The following MSH4 variants were observed in gnomAD, a reference collection of about 807,000 sequenced individuals.
MSH4 encodes the protein mutS homolog 4.
In MSH4, 106 loss-of-function variants were observed where a neutral mutation model predicts 113.7. That is an observed-to-expected ratio of 0.93 (90% CI 0.80 to 1.10). MSH4 has a LOEUF of 1.10. MSH4 is among the 50% of genes least tolerant of loss of function. The probability of loss-of-function intolerance (pLI) is 0.00; values close to 1 mark genes in which losing one functional copy is unlikely to be tolerated. For missense variants in MSH4, 1,061 were observed against 1,093.7 expected (o/e 0.97, Z 0.42); for synonymous variants, 368 against 380.2 (o/e 0.97, Z 0.37).
chr1:75,798,002 CT>C (rs886606465), intron 1 of MSH4, among the ~76,000 whole-genome samples: 10 of 152,288 alleles, frequency 6.6e-5, no homozygotes, highest in South Asian at 2.1e-4. Context: ...TTGTTAGTCT[CT>C]ATTCATGACA....
intron 18 of MSH4, 88 bp from the exon 19 acceptor site, chr1:75,899,530 G>T: frequency 1.5e-6 from 1 of 659,436 alleles, no homozygotes; most frequent in South Asian, 2.9e-5. Context: ...GTTTAAATCT[G>T]TGACTAAAAG....
In MSH4 at chr1:75,870,543, A is replaced by G. The variant is rs550691092; in HGVS notation, c.1305+2955A>G. ...GGTGGAGGTAATTGAATCATAGGGC[A>G]GTTTCCCCCATGTTCTCCTGGTAGT... On this transcript the variant is annotated intron_variant, in intron 9 of 19. Coordinates refer to ENST00000263187, the MANE Select transcript of MSH4 (RefSeq NM_002440.4). Among the ~76,000 whole-genome samples the G allele has an allele frequency of 5.3e-5, 8 of 152,258 alleles. No homozygotes were observed. The South Asian group carries it at 1.7e-3, about 32-fold the overall frequency.
chr1:75,844,090 C>A lies in MSH4; in HGVS notation c.1163-4119C>A, dbSNP rs532153157. 3.3e-5 allele frequency among the ~76,000 whole-genome samples: 5 copies of A among 151,980 alleles called. No individual in the cohort carries two copies. The South Asian group carries it at 1.0e-3, about 32-fold the overall frequency. On this transcript the variant is annotated intron_variant, in intron 7 of 19. Transcript: ENST00000263187. ...CCTCCCAAAGTGCTGGGATTACAGG[C>A]GTAAGCCACCACGCCCGGCTCTTAT...
chr1:75,855,895 A>G (rs1295370030), intron 8 of MSH4, among the ~76,000 whole-genome samples: 1 of 152,228 alleles, frequency 6.6e-6, no homozygotes, highest in African/African-American at 2.4e-5. Flanking sequence ...ATTTTACTAT[A>G]GGAAAGAATT....
At chr1:75,861,671 G>A (rs1311024946) in intron 8 of MSH4, among the ~76,000 whole-genome samples, 2 of 152,186 alleles carry the variant, frequency 1.3e-5, no homozygotes, top group African/African-American at 2.4e-5. Flanking sequence ...CCTGTATGCG[G>A]TGTCTGTTGG....
chr1:75,845,779 C>T (rs756261570), intron 7 of MSH4, among the ~76,000 whole-genome samples: 1 of 152,048 alleles, frequency 6.6e-6, no homozygotes, highest in Non-Finnish European at 1.5e-5. Context: ...AGTGGGGACT[C>T]TGTGAATGAT....
rs554247509 is a variant in MSH4, at chr1:75,848,701, T to C, written c.1230+425T>C. ...CTGCAGTGAGCTGTGTTCGCATCACTGCACTCCAGCCTGGGTAACATAGTG... is the reference window on the plus strand; with the variant it reads ...CTGCAGTGAGCTGTGTTCGCATCACCGCACTCCAGCCTGGGTAACATAGTG... On this transcript the variant is annotated intron_variant, in intron 8 of 19. Transcript: ENST00000263187. 2.2e-4 allele frequency among the ~76,000 whole-genome samples: 34 copies of C among 152,198 alleles called. No individual in the cohort carries two copies. In the South Asian group the frequency reaches 6.6e-3, roughly 30 times the overall value.
chr1:75,844,427 A>G (rs1310871646), intron 7 of MSH4, among the ~76,000 whole-genome samples: 5 of 152,146 alleles, frequency 3.3e-5, no homozygotes, highest in Admixed American at 2.6e-4. Context: ...CCCTGGCTCA[A>G]GCCATCCTCC....
In MSH4 at chr1:75,797,117, G is replaced by C. The variant is rs753988970; in HGVS notation, c.132G>C (p.Ser44=). ...AGGAGACTCCACAGAGCCGCCCTTC[G>C]GTCCAGGTGGTCTCTGCATCCACCT... The part of the protein sequence containing the change: ...GLQETPQSRP[S]VQVVSASTCP... Residue 44 remains serine (S), a synonymous_variant, in exon 1 of 20, where the codon TCG becomes TCC. Transcript: ENST00000263187. 6.2e-7 allele frequency: 1 copy of C among 1,613,896 alleles called. No homozygotes were observed. Among genetic ancestry groups the C allele is most frequent in the Non-Finnish European group, 8.5e-7 (1 of 1,179,886 alleles).
chr1:75,899,496 T>C (rs557009419), intron 18 of MSH4, 122 bp from the exon 19 acceptor site: 2 of 503,048 alleles, frequency 4.0e-6, no homozygotes, highest in Admixed American at 3.7e-5. Context: ...TATTGAGTAG[T>C]TCAGAAGTGC....
chr1:75,814,681 C>A (rs1436234416), intron 4 of MSH4, among the ~76,000 whole-genome samples: 1 of 151,894 alleles, frequency 6.6e-6, no homozygotes, highest in Non-Finnish European at 1.5e-5. Context: ...GATTTTAGTA[C>A]AATCTATACA....
intron 4 of MSH4, among the ~76,000 whole-genome samples, chr1:75,813,856 A>C (rs1650238784): frequency 6.6e-6 from 1 of 152,046 alleles, no homozygotes; most frequent in African/African-American, 2.4e-5. Flanking sequence ...AAGAAAAAAA[A>C]ACAGACCTGC....
At chr1:75,827,522 A>C (rs1650581323) in intron 7 of MSH4, among the ~76,000 whole-genome samples, 1 of 152,186 alleles carries the variant, frequency 6.6e-6, no homozygotes, top group Non-Finnish European at 1.5e-5. Flanking sequence ...TAAATGCCCC[A>C]ATTAAAAGAC....
At chr1:75,900,468 AT>A (rs71730139) in intron 19 of MSH4, among the ~76,000 whole-genome samples, 1 of 150,878 alleles carries the variant, frequency 6.6e-6, no homozygotes, top group African/African-American at 2.4e-5. Context: ...CACCCGGCTA[AT>A]TTTTTTTTGT....
rs59347058 is a variant in MSH4 at position 75,854,013 on chromosome 1, G to GTATATATATA, written c.1230+5743_1230+5752dup. Among the ~76,000 whole-genome samples, 42 of 116,798 alleles carry GTATATATATA rather than the reference G, an allele frequency of 3.6e-4. 1 individual carries two copies. Among genetic ancestry groups the GTATATATATA allele is most frequent in the East Asian group, 3.4e-3 (9 of 2,614 alleles). 76.6% of individuals were successfully genotyped at this position (116,798 alleles called of 152,430 possible). On this transcript the variant is annotated intron_variant, in intron 8 of 19. Transcript: ENST00000263187. ...ATGGCTAGGGCATAAGTGTGTGTGT[G>GTATATATATA]TATATATATATATATGCATAAATAT...
At chr1:75,818,954 G>C (rs1650348291) in intron 6 of MSH4, among the ~76,000 whole-genome samples, 2 of 151,828 alleles carry the variant, frequency 1.3e-5, no homozygotes, top group African/African-American at 4.8e-5. Flanking sequence ...TTTTAGTAGG[G>C]ACGGGGTCTC....
intron 19 of MSH4, among the ~76,000 whole-genome samples, chr1:75,910,563 G>A (rs934244625): frequency 2.6e-5 from 4 of 151,410 alleles, no homozygotes; most frequent in Non-Finnish European, 5.9e-5. Context: ...ATGAACCACC[G>A]CACCCAGCCA....
intron 8 of MSH4, among the ~76,000 whole-genome samples, chr1:75,854,286 A>G (rs1570968815): frequency 6.6e-6 from 1 of 152,038 alleles, no homozygotes; most frequent in East Asian, 1.9e-4. Flanking sequence ...CCAATCTCCT[A>G]CTACTGCTGC....
At chr1:75,862,232 G>C (rs567993508) in intron 8 of MSH4, among the ~76,000 whole-genome samples, 1 of 152,236 alleles carries the variant, frequency 6.6e-6, no homozygotes, top group Non-Finnish European at 1.5e-5. Context: ...CCCACCCCTT[G>C]TGCTTTCCGG....
Sources: gnomAD v4.1 joint callset for allele counts (sites outside exome capture counted in the v4.1 genomes callset) on GRCh38, gnomAD v4.1.1 for gene constraint, MANE v1.5 for transcripts, NCBI Gene and HGNC (gene_info 2026-07-23, HGNC 2026-07-21) for gene names.